The following USF3 variants were observed in gnomAD, a reference collection of about 807,000 sequenced individuals.
The protein encoded by USF3 is upstream transcription factor family member 3.
A neutral mutation model predicts 157.5 loss-of-function variants in USF3; 29 were observed. The observed-to-expected ratio is 0.18, with a 90% CI of 0.14 to 0.25. The LOEUF (loss-of-function observed/expected upper bound fraction) is 0.25, where lower values mean the gene tolerates loss of function less well. Ranked by LOEUF, USF3 falls within the 10% of genes least tolerant of loss-of-function variation. The pLI, the probability that USF3 is intolerant of heterozygous loss-of-function variation, is 1.00. For missense variants in USF3, 2,381 were observed against 2,667.6 expected (o/e 0.89, Z 2.37); for synonymous variants, 893 against 941.4 (o/e 0.95, Z 0.94).
intron 6 of USF3, among the ~76,000 whole-genome samples, chr3:113,662,173 G>C (rs1456782424): frequency 6.6e-6 from 1 of 152,182 alleles, no homozygotes; most frequent in Non-Finnish European, 1.5e-5. Context: ...AATCAATTTA[G>C]TTTCTATTTT....
chr3:113,676,901 C>G (rs1280293964), intron 2 of USF3, among the ~76,000 whole-genome samples: 1 of 152,106 alleles, frequency 6.6e-6, no homozygotes, highest in African/African-American at 2.4e-5. Context: ...TTGGATTGTT[C>G]CGAGCAGGGA....
chr3:113,659,505 C>G lies in USF3; in HGVS notation c.2177G>C (p.Cys726Ser). Residue 726 changes from cysteine (C) to serine (S), a missense_variant, in exon 7 of 7, where the codon TGT becomes TCT. This residue lies in a region of USF3 where 1,435 missense variants were observed against 1,550.9 expected (regional missense o/e 0.93). Transcript: ENST00000316407. ...AGGCTGGCTAATAGACAATTGTACA[C>G]AGCTTTGCCCAGCCATCTGTGATAT... ...QSISQMAGQS[C>S]VQLSISQPAN... 1 of 1,614,238 alleles carries G rather than the reference C, an allele frequency of 6.2e-7. No individual in the cohort carries two copies. The highest frequency in any genetic ancestry group is 1.1e-5 in the South Asian group (1 of 91,090).
intron 1 of USF3, among the ~76,000 whole-genome samples, chr3:113,686,218 T>C (rs760034502): frequency 6.6e-6 from 1 of 152,174 alleles, no homozygotes; most frequent in Non-Finnish European, 1.5e-5. Flanking sequence ...ATGCTCCCTC[T>C]GTGGGCATCA....
Position 113,659,211 on chromosome 3 carries a change from T to C in USF3, c.2471A>G (p.Asp824Gly), listed in dbSNP as rs753040700. 1 of 1,614,188 alleles carries C rather than the reference T, an allele frequency of 6.2e-7. No individual in the cohort carries two copies. The highest frequency in any genetic ancestry group is 1.1e-5 in the South Asian group (1 of 91,078). Residue 824 changes from aspartate (D) to glycine (G), a missense_variant, in exon 7 of 7, where the codon GAC becomes GGC. Around this residue, in one of 6 missense-constraint regions of USF3, gnomAD observed 1,435 missense variants for 1,550.9 expected, o/e 0.93. Transcript: ENST00000316407. ...TGCTGAGCCTTCAGTGTTGGGGCAG[T>C]CTAACTTGCTCACATCTCTGACTGA... ...LNSVRDVSKL[D>G]CPNTEGSAEP...
Position 113,659,836 on chromosome 3 carries a change from T to C in USF3, c.1846A>G (p.Asn616Asp), listed in dbSNP as rs888923160. ...INGANTVIGS[N>D]NSVQNVPTPQ... Reference sequence around the variant, plus strand: ...GTTGGAACATTTTGCACTGAATTATTAGACCCTATTACAGTATTGGCTCCA... The same window carrying C: ...GTTGGAACATTTTGCACTGAATTATCAGACCCTATTACAGTATTGGCTCCA... The change falls in exon 7 of 7, where the codon AAT becomes GAT. Residue 616 changes from asparagine to aspartate, a missense_variant. By Grantham distance (23) the Asn-to-Asp change is conservative. This residue lies in a region of USF3 where 1,435 missense variants were observed against 1,550.9 expected (regional missense o/e 0.93). Transcript: ENST00000316407. 6 of 1,614,098 alleles carry C rather than the reference T, an allele frequency of 3.7e-6. No homozygotes were observed. Among genetic ancestry groups the C allele is most frequent in the Admixed American group, 1.7e-5 (1 of 60,008 alleles).
rs1423784002 is a variant in USF3, at chr3:113,659,967, G to T, written c.1715C>A (p.Ser572Tyr). 6.2e-7 allele frequency: 1 copy of T among 1,614,066 alleles called. No homozygotes were observed. The highest frequency in any genetic ancestry group is 1.3e-5 in the African/African-American group (1 of 74,912). Residue 572 changes from serine to tyrosine, a missense_variant, in exon 7 of 7, where the codon TCC becomes TAC. Around this residue, in one of 6 missense-constraint regions of USF3, gnomAD observed 1,435 missense variants for 1,550.9 expected, o/e 0.93. Transcript: ENST00000316407. Reference protein sequence around the residue: ...PCPTVMRAEVSNQTVGQQIVI... With the variant: ...PCPTVMRAEVYNQTVGQQIVI... ...TATCTGTTGACCTACTGTTTGGTTG[G>T]AAACTTCTGCCCTCATCACTGTTGG...
In USF3 at chr3:113,656,951, C is replaced by T; in HGVS notation, c.4731G>A (p.Lys1577=). 6.2e-7 allele frequency: 1 copy of T among 1,614,096 alleles called. No homozygotes were observed. Among genetic ancestry groups the T allele is most frequent in the Non-Finnish European group, 8.5e-7 (1 of 1,180,026 alleles). Residue 1577 remains lysine (K), a synonymous_variant, in exon 7 of 7, where the codon AAG becomes AAA. Transcript: ENST00000316407. ...QQHFGSSQTE[K]SCENPSTSRN... is the part of the protein sequence containing the mutation. ...GACTAGTTGAAGGGTTTTCACAGCT[C>T]TTCTCTGTCTGGGAGCTTCCAAAGT...
At chr3:113,680,695 T>A (rs571603462) in intron 1 of USF3, among the ~76,000 whole-genome samples, 1 of 150,854 alleles carries the variant, frequency 6.6e-6, no homozygotes, top group South Asian at 2.1e-4. Flanking sequence ...GCCTGTAATT[T>A]AAGGCTGAGG....
At position 113,660,085 on chromosome 3, in the gene USF3, T is replaced by A. The variant is rs775674553; in HGVS notation, c.1597A>T (p.Ile533Phe). The change falls in exon 7 of 7, where the codon ATT (isoleucine) becomes TTT (phenylalanine). Residue 533 changes from isoleucine (I) to phenylalanine (F), a missense_variant. Ile to Phe is a conservative substitution (Grantham distance 21, BLOSUM62 0). Transcript: ENST00000316407. ...ILPLNSAMQV[I>F]QMAQPVGSAV... ...GACCCAACTGGCTGAGCCATCTGAA[T>A]CACTTGCATTGCTGAATTCAGTGGA... 1.7e-5 allele frequency: 27 copies of A among 1,614,086 alleles called. No homozygotes were observed. The highest frequency in any genetic ancestry group is 1.6e-4 in the Middle Eastern group (1 of 6,084).
At chr3:113,664,289 A>C (rs1262622684) in intron 6 of USF3, 24 bp downstream of exon 6, 1 of 1,422,332 alleles carries the variant, frequency 7.0e-7, no homozygotes. Flanking sequence ...ATACAACAAA[A>C]AGTAAGAACT....
intron 6 of USF3, among the ~76,000 whole-genome samples, chr3:113,663,665 G>C (rs1947520704): frequency 6.6e-6 from 1 of 152,116 alleles, no homozygotes; most frequent in Non-Finnish European, 1.5e-5. Flanking sequence ...CACTTGTCAG[G>C]GGTATAAATA....
At chr3:113,672,277 A>C (rs1164851886) in intron 4 of USF3, among the ~76,000 whole-genome samples, 1 of 151,402 alleles carries the variant, frequency 6.6e-6, no homozygotes, top group Non-Finnish European at 1.5e-5. Context: ...GGCACGCACC[A>C]CCATACCCGG....
Position 113,657,798 on chromosome 3 carries a change from T to C in USF3, c.3884A>G (p.Tyr1295Cys), listed in dbSNP as rs1947395039. The C allele has an allele frequency of 1.2e-6, 2 of 1,614,046 alleles. No individual in the cohort carries two copies. The highest frequency in any genetic ancestry group is 1.7e-6 in the Non-Finnish European group (2 of 1,180,032). The stretch of plus-strand genomic sequence containing the variant: ...CATAGTATTTAGCTGTTCTTGGGAA[T>C]ATTCAGTCATCAGAGATGGTCCAGG... ...QPPGPSLMTEYSQEQLNTMTS... is the reference protein window; with the variant it reads ...QPPGPSLMTECSQEQLNTMTS... Residue 1295 changes from tyrosine (Y) to cysteine (C), a missense_variant, in exon 7 of 7, where the codon TAT becomes TGT. Around this residue, in one of 6 missense-constraint regions of USF3, gnomAD observed 1,435 missense variants for 1,550.9 expected, o/e 0.93. Coordinates refer to ENST00000316407, the MANE Select transcript of USF3 (RefSeq NM_001009899.4).
intron 4 of USF3, among the ~76,000 whole-genome samples, 187 bp downstream of exon 4, chr3:113,673,161 T>C (rs1707200000): frequency 6.6e-6 from 1 of 152,164 alleles, no homozygotes; most frequent in Non-Finnish European, 1.5e-5. Flanking sequence ...AATCAGAAGA[T>C]GATAAGCAAG....
At position 113,652,980 on chromosome 3, in the gene USF3, A is replaced by G. The variant is rs1411666861; in HGVS notation, c.*1964T>C. On this transcript the variant is annotated 3_prime_UTR_variant, in exon 7 of 7. Coordinates refer to ENST00000316407, the MANE Select transcript of USF3 (RefSeq NM_001009899.4). ...TATCTCCTGAGGAAGAGGAACTTGA[A>G]AAAGGAATATTCAAGGTGCTGTTCC... 2.7e-6 allele frequency: 3 copies of G among 1,095,074 alleles called. No individual in the cohort carries two copies. In the East Asian group the frequency reaches 1.1e-4, roughly 41 times the overall value. 67.8% of individuals were successfully genotyped at this position (1,095,074 alleles called of 1,614,324 possible). A position where few individuals can be genotyped will look rare whatever the true frequency, so the allele number is the denominator to read the frequency against.
chr3:113,653,239 T>C lies in USF3; in HGVS notation c.*1705A>G, dbSNP rs967064767. 1.3e-5 allele frequency: 2 copies of C among 150,162 alleles called. No individual in the cohort carries two copies. Among genetic ancestry groups the C allele is most frequent in the African/African-American group, 4.9e-5 (2 of 40,754 alleles). 9.3% of individuals were successfully genotyped at this position (150,162 alleles called of 1,614,324 possible). A position where few individuals can be genotyped will look rare whatever the true frequency, so the allele number is the denominator to read the frequency against. On this transcript the variant is annotated 3_prime_UTR_variant, in exon 7 of 7. Transcript: ENST00000316407. ...GGAATATATGCCATTGTTTTCTTAG[T>C]TTTTTTTTTAAGTTTTCAAATTTTA...
intron 4 of USF3, among the ~76,000 whole-genome samples, chr3:113,672,195 G>A (rs1056564364): frequency 7.4e-5 from 11 of 147,842 alleles, no homozygotes; most frequent in Non-Finnish European, 1.2e-4. Context: ...CAGCTGGAGT[G>A]CAATGGCACG....
chr3:113,675,167 T>A (rs971747845), intron 2 of USF3, among the ~76,000 whole-genome samples: 1 of 152,076 alleles, frequency 6.6e-6, no homozygotes, highest in Non-Finnish European at 1.5e-5. Context: ...CACTGCAGGC[T>A]TGGAAATCAA....
In USF3 at chr3:113,653,630, T is replaced by C. The variant is rs1947303595; in HGVS notation, c.*1314A>G. 6.9e-6 allele frequency: 1 copy of C among 144,564 alleles called. No individual in the cohort carries two copies. Among genetic ancestry groups the C allele is most frequent in the Non-Finnish European group, 1.5e-5 (1 of 66,118 alleles). The allele number at this position is 144,564 out of a possible 1,614,324, so 9.0% of individuals were successfully genotyped here. On this transcript the variant is annotated 3_prime_UTR_variant, in exon 7 of 7. Coordinates refer to ENST00000316407, the MANE Select transcript of USF3 (RefSeq NM_001009899.4). ...AAAAAAAAAAAAAAAAAAAAAACCC[T>C]ACCTATATCAAGTTCTTCTATGCTT... is the stretch of plus-strand genomic sequence containing the variant.
Sources: gnomAD v4.1 joint callset for allele counts (sites outside exome capture counted in the v4.1 genomes callset) on GRCh38, gnomAD v4.1.1 for gene constraint, gnomAD v4.1.1 regional missense constraint, MANE v1.5 for transcripts, NCBI Gene and HGNC (gene_info 2026-07-23, HGNC 2026-07-21) for gene names.